The following TACC2 variants were observed in gnomAD, a reference collection of about 807,000 sequenced individuals.
TACC2 encodes transforming acidic coiled-coil containing protein 2.
A neutral mutation model predicts 227.3 loss-of-function variants in TACC2; 137 were observed. The observed-to-expected ratio is 0.60, with a 90% CI of 0.52 to 0.69. TACC2 has a LOEUF of 0.69. Among genes scored for constraint, TACC2 ranks in the 30% least tolerant of loss-of-function variants. TACC2 has a pLI of 0.00. For missense variants in TACC2, 3,470 were observed against 3,694.4 expected (o/e 0.94, Z 1.57); for synonymous variants, 1,523 against 1,487.5 (o/e 1.02, Z -0.55).
chr10:122,129,562 G>A (rs553340142), intron 5 of TACC2, among the ~76,000 whole-genome samples: 3 of 152,242 alleles, frequency 2.0e-5, no homozygotes, highest in South Asian at 2.1e-4. Context: ...CAAAGGAAAC[G>A]AAGTCTTTTA....
At chr10:122,168,605 C>T (rs2093320885) in intron 7 of TACC2, among the ~76,000 whole-genome samples, 1 of 152,160 alleles carries the variant, frequency 6.6e-6, no homozygotes, top group Admixed American at 6.5e-5. Context: ...TACCAATCAT[C>T]CAAGGGGCCA....
chr10:122,098,196 C>A (rs953563058), intron 5 of TACC2, among the ~76,000 whole-genome samples: 2 of 152,088 alleles, frequency 1.3e-5, no homozygotes, highest in Non-Finnish European at 2.9e-5. Flanking sequence ...ACATCATGAT[C>A]CTAGGTTGTC....
At chr10:122,039,676 C>A (rs930131688) in intron 2 of TACC2, among the ~76,000 whole-genome samples, 2 of 152,322 alleles carry the variant, frequency 1.3e-5, no homozygotes, top group East Asian at 3.9e-4. Context: ...TTGCTTTTGA[C>A]ACTTTTTGAA....
intron 5 of TACC2, among the ~76,000 whole-genome samples, chr10:122,107,487 G>A (rs1254726471): frequency 6.6e-6 from 1 of 152,080 alleles, no homozygotes; most frequent in African/African-American, 2.4e-5. Context: ...TACTTGGGAG[G>A]CTGAGAAAGG....
intron 10 of TACC2, 123 bp downstream of exon 10, chr10:122,215,574 C>A: frequency 1.2e-6 from 1 of 820,470 alleles, no homozygotes; most frequent in Non-Finnish European, 2.1e-6. Flanking sequence ...TTCTTGCATT[C>A]TGTGTGGAGG....
Position 122,084,707 on chromosome 10 carries a change from A to G in TACC2, c.2207A>G (p.Gln736Arg). 6.2e-7 allele frequency: 1 copy of G among 1,613,672 alleles called. No homozygotes were observed. ...TPVAEVAPKAQEGESTLEIRK... is the reference protein window; with the variant it reads ...TPVAEVAPKAREGESTLEIRK... ...GTTGCAGAGGTTGCACCCAAAGCCC[A>G]GGAAGGTGAGAGCACATTGGAAATA... Residue 736 changes from glutamine to arginine, a missense_variant, in exon 4 of 23, where the codon CAG becomes CGG. By Grantham distance (43) the Gln-to-Arg change is conservative. Coordinates refer to ENST00000369005, the MANE Select transcript of TACC2 (RefSeq NM_206862.4).
chr10:122,242,184 A>AC (rs1464167716), intron 19 of TACC2, among the ~76,000 whole-genome samples, 183 bp downstream of exon 19: 2 of 151,042 alleles, frequency 1.3e-5, no homozygotes, highest in Non-Finnish European at 3.0e-5. Context: ...TCTTGGTAAC[A>AC]CCCCCCTGAA....
Position 122,163,386 on chromosome 10 carries a change from T to G in TACC2, c.5834+19680T>G, listed in dbSNP as rs377228139. 2.8e-3 allele frequency: 517 copies of G among 186,376 alleles called. 4 individuals are homozygous for G. Among genetic ancestry groups the G allele is most frequent in the African/African-American group, 0.011 (474 of 41,812 alleles). The allele number at this position is 186,376 out of a possible 1,614,324, so 11.5% of individuals were successfully genotyped here. A position where few individuals can be genotyped will look rare whatever the true frequency, so the allele number is the denominator to read the frequency against. ...CGCCCCTCCTTTCTAGGGCCCCAGC[T>G]CCCGGGCCGCGGCTCGTTTGCATTT... On this transcript the variant is annotated intron_variant, in intron 7 of 22. Transcript: ENST00000369005.
intron 11 of TACC2, among the ~76,000 whole-genome samples, chr10:122,221,913 G>C (rs1251905453): frequency 1.3e-5 from 2 of 152,170 alleles, no homozygotes; most frequent in South Asian, 2.1e-4. Flanking sequence ...GCTCTTTCCT[G>C]TTCCTAGCAA....
intron 7 of TACC2, among the ~76,000 whole-genome samples, chr10:122,183,404 A>G (rs774899356): frequency 6.6e-6 from 1 of 152,098 alleles, no homozygotes. Flanking sequence ...TAATGAGAGT[A>G]ACAGAATTCA....
intron 1 of TACC2, among the ~76,000 whole-genome samples, chr10:122,008,601 C>T (rs138539510): frequency 6.7e-6 from 1 of 149,684 alleles, no homozygotes; most frequent in Non-Finnish European, 1.5e-5. Context: ...GAGATGGAGT[C>T]TCACTCTGTC....
intron 1 of TACC2, among the ~76,000 whole-genome samples, chr10:122,012,803 C>T (rs11200327): frequency 0.46 from 69,424 of 151,874 alleles, 16,024 homozygotes; most frequent in South Asian, 0.62. Flanking sequence ...AGCTGGCATC[C>T]TTGAGGGAGC....
intron 5 of TACC2, among the ~76,000 whole-genome samples, chr10:122,120,542 C>G (rs2085534855): frequency 6.6e-6 from 1 of 152,246 alleles, no homozygotes; most frequent in Non-Finnish European, 1.5e-5. Context: ...CCCTCTTTGT[C>G]GCACATCATG....
Position 122,050,593 on chromosome 10 carries a change from C to T in TACC2, c.146+43C>T. 1.3e-6 allele frequency: 2 copies of T among 1,488,982 alleles called. No individual in the cohort carries two copies. Among genetic ancestry groups the T allele is most frequent in the Non-Finnish European group, 1.9e-6 (2 of 1,070,864 alleles). 92.2% of individuals were successfully genotyped at this position (1,488,982 alleles called of 1,614,324 possible). On this transcript the variant is annotated intron_variant, in intron 3 of 22. Coordinates refer to ENST00000369005, the MANE Select transcript of TACC2 (RefSeq NM_206862.4). This position sits in a 1 kb window ranked among gnomAD's most constrained non-coding sequence, Gnocchi z 4.6. ...GAGGACTGATGCAGCCCAAGGACTG[C>T]CCCGCTCATTGCCTGCTCCAGCATT... is the stretch of plus-strand genomic sequence containing the variant.
chr10:122,226,414 A>G lies in TACC2; in HGVS notation c.7657A>G (p.Thr2553Ala). 1.2e-6 allele frequency: 2 copies of G among 1,614,020 alleles called. No homozygotes were observed. Among genetic ancestry groups the G allele is most frequent in the African/African-American group, 1.3e-5 (1 of 75,008 alleles). ...GCAGGCCTTGTACCTTATGTTTGAC[A>G]CTTCTCAGGAGAGCCCTGTCAAGTC... ...KKQALYLMFD[T>A]SQESPVKSSP... Residue 2553 changes from threonine (T) to alanine (A), a missense_variant, in exon 13 of 23, where the codon ACT becomes GCT. Around this residue, in one of 10 missense-constraint regions of TACC2, gnomAD observed 345 missense variants for 354.4 expected, o/e 0.97. Transcript: ENST00000369005.
chr10:122,139,022 C>T (rs1399102076), intron 6 of TACC2, among the ~76,000 whole-genome samples: 2 of 152,162 alleles, frequency 1.3e-5, no homozygotes, highest in African/African-American at 2.4e-5. Context: ...CCCCTGGGCC[C>T]GCAGAGCTGC....
chr10:122,076,968 A>C (rs1044957341), intron 3 of TACC2, among the ~76,000 whole-genome samples: 4 of 152,054 alleles, frequency 2.6e-5, no homozygotes, highest in Admixed American at 2.0e-4. Flanking sequence ...TATGAAAATT[A>C]GCTGGGCATG....
At chr10:122,233,125 TGAG>T (rs1320099167) in intron 16 of TACC2, among the ~76,000 whole-genome samples, 2 of 152,094 alleles carry the variant, frequency 1.3e-5, no homozygotes, top group African/African-American at 2.4e-5. Context: ...ATGTGAGAAA[TGAG>T]GAGAAGTCCT....
chr10:122,101,874 C>G (rs917510012), intron 5 of TACC2, among the ~76,000 whole-genome samples: 3 of 151,156 alleles, frequency 2.0e-5, no homozygotes, highest in African/African-American at 7.3e-5. Context: ...ACCCAGCCAA[C>G]CCCATCCTTT....
Sources: gnomAD v4.1 joint callset for allele counts (sites outside exome capture counted in the v4.1 genomes callset) on GRCh38, gnomAD v4.1.1 for gene constraint, gnomAD v4.1.1 regional missense constraint, Gnocchi (gnomAD v3.1) non-coding constraint, MANE v1.5 for transcripts, NCBI Gene and HGNC (gene_info 2026-07-23, HGNC 2026-07-21) for gene names.